KATNIP: variants seen among roughly 807,000 people sequenced by gnomAD.
KATNIP encodes the protein katanin interacting protein.
KATNIP carries 126 observed loss-of-function variants against 174.0 expected under a neutral mutation model. That is an observed-to-expected ratio of 0.72 (90% confidence interval 0.63 to 0.84). KATNIP has a LOEUF of 0.84. KATNIP is among the 40% of genes least tolerant of loss of function. The pLI is 0.00. For synonymous variants in KATNIP, 810 were observed against 835.7 expected (o/e 0.97, Z 0.53); for missense variants, 1,958 against 2,109.7 (o/e 0.93, Z 1.41).
At chr16:27,698,216 A>G (rs778942788) in intron 8 of KATNIP, 112 bp from the exon 9 acceptor site, 3 of 1,091,938 alleles carry the variant, frequency 2.7e-6, no homozygotes, top group East Asian at 2.5e-5. Context: ...ACATTTTTGG[A>G]GAGTATGGGC....
At chr16:27,577,534 A>G (rs1237784904) in intron 2 of KATNIP, among the ~76,000 whole-genome samples, 1 of 151,988 alleles carries the variant, frequency 6.6e-6, no homozygotes, top group Non-Finnish European at 1.5e-5. Context: ...TCTACTAAAA[A>G]TACAAAAATT....
rs1567290444 is a variant in KATNIP, at chr16:27,677,956, A to G, written c.768A>G (p.Pro256=). ...QETEGRSSPG[P]DTLVVLEFNP... is the part of the protein sequence containing the mutation. ...CAGAAGGACGCTCTTCTCCAGGCCCAGACACCCTCGTGGTGCTGGAATTTA... is the reference window on the plus strand; with the variant it reads ...CAGAAGGACGCTCTTCTCCAGGCCCGGACACCCTCGTGGTGCTGGAATTTA... The change falls in exon 7 of 28, where the codon CCA becomes CCG. Residue 256 remains proline (P), a synonymous_variant. Transcript: ENST00000261588. The G allele has an allele frequency of 2.5e-6, 4 of 1,614,238 alleles. No homozygotes were observed. Among genetic ancestry groups the G allele is most frequent in the Non-Finnish European group, 3.4e-6 (4 of 1,180,034 alleles).
At chr16:27,601,350 CAG>C (rs907449625) in intron 2 of KATNIP, among the ~76,000 whole-genome samples, 22 of 152,092 alleles carry the variant, frequency 1.4e-4, no homozygotes, top group African/African-American at 4.6e-4. Flanking sequence ...CAGACAGGGA[CAG>C]AGGTTGTTGG....
At chr16:27,642,253 A>G (rs1490064626) in intron 5 of KATNIP, among the ~76,000 whole-genome samples, 5 of 152,168 alleles carry the variant, frequency 3.3e-5, no homozygotes, top group African/African-American at 1.2e-4. Flanking sequence ...TGGAAACTAT[A>G]TGTCCTTTGT....
chr16:27,682,983 G>C (rs943579175), intron 8 of KATNIP, among the ~76,000 whole-genome samples: 6 of 152,292 alleles, frequency 3.9e-5, no homozygotes, highest in African/African-American at 1.4e-4. Flanking sequence ...GAAGGCCCTC[G>C]TCAGATGCGG....
chr16:27,719,520 G>A (rs960316334), intron 13 of KATNIP, among the ~76,000 whole-genome samples: 1 of 151,750 alleles, frequency 6.6e-6, no homozygotes, highest in African/African-American at 2.4e-5. Flanking sequence ...TTAGAGGCCC[G>A]CCACCATGCC....
At chr16:27,680,626 G>T (rs939594779) in intron 7 of KATNIP, among the ~76,000 whole-genome samples, 7 of 151,058 alleles carry the variant, frequency 4.6e-5, no homozygotes, top group Non-Finnish European at 7.4e-5. Context: ...TCCTGGGAGG[G>T]ATCCTCCTGC....
intron 1 of KATNIP, among the ~76,000 whole-genome samples, chr16:27,551,881 T>A (rs1020888546): frequency 1.3e-5 from 2 of 151,412 alleles, no homozygotes; most frequent in Non-Finnish European, 1.5e-5. Context: ...TAATAATAAT[T>A]GGCCAGGTGC....
chr16:27,723,458 G>A (rs2080318522), intron 14 of KATNIP, among the ~76,000 whole-genome samples: 1 of 151,592 alleles, frequency 6.6e-6, no homozygotes, highest in Admixed American at 6.6e-5. Flanking sequence ...ACTTTCTCCA[G>A]GAAGCCAACC....
intron 2 of KATNIP, among the ~76,000 whole-genome samples, chr16:27,617,966 G>C (rs1029252148): frequency 2.0e-5 from 3 of 152,092 alleles, no homozygotes; most frequent in Non-Finnish European, 4.4e-5. Context: ...TGAAACTCCT[G>C]GGCTCAAGCA....
intron 14 of KATNIP, among the ~76,000 whole-genome samples, chr16:27,734,885 C>T (rs1186806773): frequency 1.3e-5 from 2 of 152,182 alleles, no homozygotes; most frequent in African/African-American, 4.8e-5. Context: ...AGCTGTGTGA[C>T]CTTGGGGAAG....
intron 3 of KATNIP, among the ~76,000 whole-genome samples, chr16:27,625,723 C>T (rs1304311063): frequency 6.6e-6 from 1 of 152,188 alleles, no homozygotes; most frequent in Non-Finnish European, 1.5e-5. Context: ...CCACCACCTT[C>T]CCTCAACAAC....
At chr16:27,579,238 C>A (rs980623870) in intron 2 of KATNIP, among the ~76,000 whole-genome samples, 1 of 152,150 alleles carries the variant, frequency 6.6e-6, no homozygotes, top group African/African-American at 2.4e-5. Context: ...GACATGTCCC[C>A]TTACTGCTCA....
chr16:27,713,735 C>T (rs1471202023), intron 13 of KATNIP, among the ~76,000 whole-genome samples: 4 of 137,530 alleles, frequency 2.9e-5, no homozygotes, highest in African/African-American at 5.3e-5. Context: ...GTATTATATA[C>T]ACATACATAT....
chr16:27,761,436 T>C lies in KATNIP; in HGVS notation c.3655T>C (p.Ser1219Pro), dbSNP rs1188226547. The change falls in exon 19 of 28, where the codon TCC (serine) becomes CCC (proline). Residue 1219 changes from serine (S) to proline (P), a missense_variant. Ser to Pro is a moderately conservative substitution (Grantham distance 74, BLOSUM62 -1). Around this residue, in one of 3 missense-constraint regions of KATNIP, gnomAD observed 1,557 missense variants for 1,617.8 expected, o/e 0.96. Transcript: ENST00000261588. ...GICLQLNFTA[S>P]WGDLHYLGLT... ...AGGCCTTCAGCTGAATTTCACTGCC[T>C]CCTGGGGAGACTTGCACTACCTGGG... The C allele has an allele frequency of 1.9e-6, 3 of 1,613,348 alleles. No homozygotes were observed. In the Admixed American group the frequency reaches 5.0e-5, roughly 27 times the overall value.
At chr16:27,695,209 C>T (rs925944146) in intron 8 of KATNIP, among the ~76,000 whole-genome samples, 1 of 152,226 alleles carries the variant, frequency 6.6e-6, no homozygotes, top group African/African-American at 2.4e-5. Flanking sequence ...CTTTCACCTC[C>T]TTTCAGTCTC....
rs144188578 is a variant in KATNIP at position 27,749,942 on chromosome 16, C to T, written c.2982C>T (p.Asn994=). 63 of 1,614,024 alleles carry T rather than the reference C, an allele frequency of 3.9e-5. No homozygotes were observed. The highest frequency in any genetic ancestry group is 3.3e-4 in the Middle Eastern group (2 of 6,084). Residue 994 remains asparagine, a synonymous_variant, in exon 16 of 28, where the codon AAC becomes AAT. Transcript: ENST00000261588. ...TWGDRHYVGL[N]GIEIFSSKGE... ...GGGACAGACACTATGTCGGCCTCAACGGAATAGAAATATTCAGTTCCAAGG... is the reference window on the plus strand; with the variant it reads ...GGGACAGACACTATGTCGGCCTCAATGGAATAGAAATATTCAGTTCCAAGG...
intron 4 of KATNIP, 139 bp from the exon 5 acceptor site, chr16:27,630,926 C>T: frequency 6.2e-6 from 4 of 641,958 alleles, no homozygotes; most frequent in East Asian, 5.5e-5. Context: ...GTTGCCACAA[C>T]CACGCTGTAG....
rs1389764836 is a variant in KATNIP, at chr16:27,681,545, G to T, written c.940+15G>T. On this transcript the variant is annotated intron_variant, in intron 8 of 27. Coordinates refer to ENST00000261588, the MANE Select transcript of KATNIP (RefSeq NM_015202.5). ...GATGTGCTCCAGTAAGAGTTCCGGG[G>T]GCCCCTGAGCAGGGGAGCAGGGCTG... is the stretch of plus-strand genomic sequence containing the variant. 22 of 1,614,066 alleles carry T rather than the reference G, an allele frequency of 1.4e-5. No homozygotes were observed. The highest frequency in any genetic ancestry group is 1.9e-5 in the Non-Finnish European group (22 of 1,179,988).
Sources: allele counts gnomAD v4.1 joint callset (sites outside exome capture counted in the v4.1 genomes callset), GRCh38; gene constraint gnomAD v4.1.1; regional missense constraint gnomAD v4.1.1; transcripts MANE v1.5; gene names NCBI Gene and HGNC (gene_info 2026-07-23, HGNC 2026-07-21).